The following SNTG1 variants were observed in gnomAD, a reference collection of about 807,000 sequenced individuals.
The protein encoded by SNTG1 is syntrophin gamma 1.
Under a neutral mutation model 74.7 loss-of-function variants are expected in SNTG1, and 39 were observed. The ratio of observed to expected loss-of-function variants is 0.52; its 90% CI spans 0.40 to 0.68. The LOEUF (loss-of-function observed/expected upper bound fraction) is 0.68. Among genes scored for constraint, SNTG1 ranks in the 30% least tolerant of loss-of-function variants. SNTG1 has a pLI of 0.00. For missense variants in SNTG1, 685 were observed against 609.5 expected (o/e 1.12, Z -1.30); for synonymous variants, 254 against 217.1 (o/e 1.17, Z -1.49).
rs535597076 is a variant in SNTG1 at position 50,558,259 on chromosome 8, G to C, written c.810+5080G>C. ...CCATGGCAGCAGCTGCATGGCCAGGGGGGCCTTGGAGTCAGCTCAGGAACC... is the reference window on the plus strand; with the variant it reads ...CCATGGCAGCAGCTGCATGGCCAGGCGGGCCTTGGAGTCAGCTCAGGAACC... On this transcript the variant is annotated intron_variant, in intron 12 of 18. Transcript: ENST00000642720. Among the ~76,000 whole-genome samples, 12 of 152,318 alleles carry C rather than the reference G, an allele frequency of 7.9e-5. 1 individual carries two copies. The highest frequency in any genetic ancestry group is 1.9e-4 in the East Asian group (1 of 5,180).
chr8:50,722,509 C>G (rs2095490277), intron 17 of SNTG1, among the ~76,000 whole-genome samples: 1 of 152,060 alleles, frequency 6.6e-6, no homozygotes. Context: ...TGCATTGAAT[C>G]CAAGGTTCTG....
chr8:50,175,865 G>T (rs372329870), intron 2 of SNTG1, among the ~76,000 whole-genome samples: 17 of 152,000 alleles, frequency 1.1e-4, no homozygotes, highest in East Asian at 9.7e-4. Flanking sequence ...ATATCTCTTT[G>T]CCTCTTCATG....
intron 17 of SNTG1, among the ~76,000 whole-genome samples, chr8:50,721,634 T>C (rs376839035): frequency 6.6e-6 from 1 of 152,178 alleles, no homozygotes. Context: ...GATGTTTGGT[T>C]AGGGAAATCA....
intron 2 of SNTG1, among the ~76,000 whole-genome samples, chr8:50,366,172 G>A (rs551079941): frequency 5.9e-5 from 9 of 152,184 alleles, no homozygotes; most frequent in South Asian, 4.2e-4. Flanking sequence ...TAAAGTCAAC[G>A]CACAACTATA....
intron 2 of SNTG1, among the ~76,000 whole-genome samples, chr8:50,289,088 C>A (rs1340961550): frequency 1.3e-5 from 2 of 152,018 alleles, no homozygotes; most frequent in Non-Finnish European, 2.9e-5. Flanking sequence ...CTAAGAGGAG[C>A]AAAATGGTAA....
chr8:50,483,087 A>C (rs1345597545), intron 8 of SNTG1, among the ~76,000 whole-genome samples: 1 of 152,216 alleles, frequency 6.6e-6, no homozygotes, highest in Non-Finnish European at 1.5e-5. Context: ...GGTTATTTTT[A>C]GATATTTGCA....
At chr8:50,533,093 G>A (rs551811266) in intron 10 of SNTG1, among the ~76,000 whole-genome samples, 2 of 152,266 alleles carry the variant, frequency 1.3e-5, no homozygotes, top group Non-Finnish European at 2.9e-5. Flanking sequence ...TAATTTGAAG[G>A]TACATGAAAG....
chr8:50,382,854 C>CA (rs1339082154), intron 2 of SNTG1, among the ~76,000 whole-genome samples: 1 of 152,084 alleles, frequency 6.6e-6, no homozygotes, highest in East Asian at 1.9e-4. Context: ...CTGGCAAGTC[C>CA]AAATTCTGTA....
At chr8:50,053,154 A>G (rs770584907) in intron 1 of SNTG1, among the ~76,000 whole-genome samples, 3 of 152,168 alleles carry the variant, frequency 2.0e-5, no homozygotes, top group Non-Finnish European at 2.9e-5. Context: ...ATTACGCACC[A>G]TAGTTACAAA....
rs146857531 is a variant in SNTG1, at chr8:50,672,481, T to C, written c.1038+13818T>C. ...ACATGTTTTTGGCCACATAAAAGTC[T>C]TCTCTTGAGAAGTGCCTGTTCATAT... On this transcript the variant is annotated intron_variant, in intron 15 of 18. Transcript: ENST00000642720. 1.4e-3 allele frequency among the ~76,000 whole-genome samples: 208 copies of C among 152,320 alleles called. 2 individuals carry two copies. The highest frequency in any genetic ancestry group is 3.8e-3 in the African/African-American group (160 of 41,590).
intron 13 of SNTG1, among the ~76,000 whole-genome samples, chr8:50,635,314 G>A (rs2095031813): frequency 6.6e-6 from 1 of 152,030 alleles, no homozygotes; most frequent in African/African-American, 2.4e-5. Flanking sequence ...TTCGCTCAAG[G>A]CCCTAGCACT....
intron 15 of SNTG1, among the ~76,000 whole-genome samples, chr8:50,696,175 G>A (rs1392424455): frequency 1.3e-5 from 2 of 151,956 alleles, no homozygotes; most frequent in Non-Finnish European, 2.9e-5. Context: ...GGGATAAGAT[G>A]GTATCTCACT....
At chr8:50,271,242 T>C (rs2087761987) in intron 2 of SNTG1, among the ~76,000 whole-genome samples, 1 of 152,210 alleles carries the variant, frequency 6.6e-6, no homozygotes, top group Admixed American at 6.5e-5. Flanking sequence ...TCCATTATTA[T>C]GCCAACAAAT....
chr8:50,084,888 C>A (rs967756730), intron 1 of SNTG1, among the ~76,000 whole-genome samples: 1 of 152,184 alleles, frequency 6.6e-6, no homozygotes, highest in East Asian at 1.9e-4. Context: ...AGCAAGAAGG[C>A]CTTCACCAGA....
At chr8:50,675,541 C>T (rs951337099) in intron 15 of SNTG1, among the ~76,000 whole-genome samples, 8 of 151,878 alleles carry the variant, frequency 5.3e-5, no homozygotes, top group African/African-American at 1.9e-4. Context: ...TATTCTGAGC[C>T]TATGTGTGTC....
chr8:50,092,477 A>G (rs1228450408), intron 1 of SNTG1, among the ~76,000 whole-genome samples: 1 of 152,100 alleles, frequency 6.6e-6, no homozygotes, highest in African/African-American at 2.4e-5. Flanking sequence ...AGGAATGATA[A>G]CAGGCAGATC....
At position 50,350,247 on chromosome 8, in the gene SNTG1, C is replaced by T. The variant is rs11996964; in HGVS notation, c.-27-43965C>T. On this transcript the variant is annotated intron_variant, in intron 2 of 18. Coordinates refer to ENST00000642720, the MANE Select transcript of SNTG1 (RefSeq NM_018967.5). Reference sequence around the variant, plus strand: ...CAGCCCGAGCCTCCCTGACGAGTGCCGCCCCCTGCTCCACCGGAGCCCAGT... The same window carrying T: ...CAGCCCGAGCCTCCCTGACGAGTGCTGCCCCCTGCTCCACCGGAGCCCAGT... Among the ~76,000 whole-genome samples, 1,403 of 152,164 alleles carry T rather than the reference C, an allele frequency of 9.2e-3. 26 individuals carry two copies. Among genetic ancestry groups the T allele is most frequent in the African/African-American group, 0.032 (1,317 of 41,524 alleles).
chr8:50,189,039 A>C (rs183320299), intron 2 of SNTG1, among the ~76,000 whole-genome samples: 59 of 152,268 alleles, frequency 3.9e-4, no homozygotes, highest in Non-Finnish European at 6.8e-4. Flanking sequence ...AGAGAAGCAT[A>C]TCTTAATGAG....
At chr8:50,143,821 T>C (rs1379708898) in intron 1 of SNTG1, among the ~76,000 whole-genome samples, 3 of 152,202 alleles carry the variant, frequency 2.0e-5, no homozygotes, top group Admixed American at 2.0e-4. Context: ...GAGTAACATA[T>C]TAAGACTGAC....
Sources: gnomAD v4.1 joint callset for allele counts (sites outside exome capture counted in the v4.1 genomes callset) on GRCh38, gnomAD v4.1.1 for gene constraint, MANE v1.5 for transcripts, NCBI Gene and HGNC (gene_info 2026-07-23, HGNC 2026-07-21) for gene names.